Variants in COX10 observed in about 807,000 individuals in gnomAD.
COX10 encodes protoheme IX farnesyltransferase, mitochondrial.
Under a neutral mutation model 37.3 loss-of-function variants are expected in COX10, and 27 were observed. The ratio of observed to expected loss-of-function variants is 0.72; its 90% CI spans 0.53 to 1.00. The LOEUF (loss-of-function observed/expected upper bound fraction) is 1.00, where lower values mean the gene tolerates loss of function less well. Among genes scored for constraint, COX10 ranks in the 50% least tolerant of loss-of-function variants. The probability of loss-of-function intolerance (pLI) is 0.00; values close to 1 mark genes in which losing one functional copy is unlikely to be tolerated. For missense variants in COX10, 475 were observed against 563.2 expected, an observed-to-expected ratio of 0.84 and a Z score of 1.59; for synonymous variants, 222 against 229.1, an observed-to-expected ratio of 0.97 and a Z score of 0.28.
Position 14,185,387 on chromosome 17 carries a change from T to C in COX10, c.696-6602T>C, listed in dbSNP as rs1905994640. 2.0e-5 allele frequency among the ~76,000 whole-genome samples: 3 copies of C among 148,100 alleles called. No individual in the cohort carries two copies. The South Asian group carries it at 6.7e-4, about 33-fold the overall frequency. ...GAAATCAGTCTTTGACATAATAGTG[T>C]TTGAGATCTCTGAGATTTAGCTCTG... On this transcript the variant is annotated intron_variant, in intron 5 of 6. Transcript: ENST00000261643.
At chr17:14,155,588 G>A (rs2142236337) in intron 4 of COX10, among the ~76,000 whole-genome samples, 2 of 152,112 alleles carry the variant, frequency 1.3e-5, no homozygotes, top group Admixed American at 1.3e-4. Flanking sequence ...GGTGGTGGGT[G>A]TCTGTAGTCC....
At chr17:14,096,087 C>T (rs113706535) in intron 3 of COX10, among the ~76,000 whole-genome samples, 10 of 152,266 alleles carry the variant, frequency 6.6e-5, no homozygotes, top group Non-Finnish European at 1.2e-4. Flanking sequence ...CAAGGCATGG[C>T]ATGGTGAGAA....
chr17:14,204,087 G>A (rs1017607184), intron 6 of COX10, among the ~76,000 whole-genome samples: 11 of 152,048 alleles, frequency 7.2e-5, no homozygotes, highest in African/African-American at 2.4e-4. Context: ...GATGAGTTTG[G>A]GCGCACTTTA....
At chr17:14,105,545 G>A (rs112985491) in intron 4 of COX10, among the ~76,000 whole-genome samples, 35 of 152,278 alleles carry the variant, frequency 2.3e-4, no homozygotes, top group African/African-American at 8.2e-4. Flanking sequence ...AATCCTTAAA[G>A]TAGGTGGTAT....
At chr17:14,082,892 C>T (rs1352434027) in intron 3 of COX10, among the ~76,000 whole-genome samples, 2 of 152,180 alleles carry the variant, frequency 1.3e-5, no homozygotes, top group Non-Finnish European at 1.5e-5. Context: ...GATTCTGATG[C>T]AGGTGGTCCT....
chr17:14,077,126 T>A, intron 3 of COX10, 70 bp downstream of exon 3: 9 of 1,465,940 alleles, frequency 6.1e-6, no homozygotes, highest in Non-Finnish European at 8.5e-6. Context: ...GCTAATTTTA[T>A]TTACCACCTG....
intron 4 of COX10, among the ~76,000 whole-genome samples, chr17:14,125,696 A>C (rs1916328652): frequency 6.6e-6 from 1 of 152,166 alleles, no homozygotes; most frequent in South Asian, 2.1e-4. Flanking sequence ...GATGGCATCC[A>C]ATTCACTTTC....
At chr17:14,172,790 C>T (rs763496317) in intron 5 of COX10, among the ~76,000 whole-genome samples, 5 of 151,800 alleles carry the variant, frequency 3.3e-5, no homozygotes, top group African/African-American at 7.3e-5. Flanking sequence ...TGGGCTCAAG[C>T]GTTTCTCCTG....
At chr17:14,072,018 T>C (rs1915036401) in intron 1 of COX10, among the ~76,000 whole-genome samples, 1 of 152,238 alleles carries the variant, frequency 6.6e-6, no homozygotes, top group Admixed American at 6.5e-5. Flanking sequence ...TATGGTCTTA[T>C]GCTTCCAGAA....
chr17:14,144,156 CTG>C (rs1488456286), intron 4 of COX10, among the ~76,000 whole-genome samples: 1 of 152,122 alleles, frequency 6.6e-6, no homozygotes, highest in Non-Finnish European at 1.5e-5. Context: ...TATATTATAA[CTG>C]TGTTTGGACC....
At chr17:14,125,481 A>C (rs1446418194) in intron 4 of COX10, among the ~76,000 whole-genome samples, 3 of 152,212 alleles carry the variant, frequency 2.0e-5, no homozygotes, top group African/African-American at 7.2e-5. Flanking sequence ...ACATTGTAAA[A>C]ATTTAAAACA....
intron 4 of COX10, among the ~76,000 whole-genome samples, chr17:14,138,814 G>A (rs1904456074): frequency 6.6e-6 from 1 of 152,128 alleles, no homozygotes; most frequent in African/African-American, 2.4e-5. Context: ...TACACTGCCT[G>A]ATTGTCTCCT....
intron 3 of COX10, among the ~76,000 whole-genome samples, chr17:14,091,807 A>T (rs142890059): frequency 6.6e-6 from 1 of 152,200 alleles, no homozygotes; most frequent in Non-Finnish European, 1.5e-5. Context: ...TTTATCTTGT[A>T]CAATATCTGC....
intron 4 of COX10, among the ~76,000 whole-genome samples, chr17:14,154,814 T>A (rs1256380107): frequency 2.0e-5 from 3 of 152,202 alleles, no homozygotes; most frequent in Non-Finnish European, 4.4e-5. Context: ...ATTATTTTCT[T>A]CAACCCCAGG....
chr17:14,098,546 G>T (rs1053295812), intron 3 of COX10, among the ~76,000 whole-genome samples: 3 of 152,098 alleles, frequency 2.0e-5, no homozygotes, highest in Non-Finnish European at 4.4e-5. Context: ...GAACGAAAAA[G>T]CTTCCTCAAA....
At chr17:14,202,728 G>GC (rs1906582062) in intron 6 of COX10, among the ~76,000 whole-genome samples, 1 of 123,544 alleles carries the variant, frequency 8.1e-6, no homozygotes, top group Non-Finnish European at 1.7e-5. Flanking sequence ...ACCCCCCTCT[G>GC]CCACCCCCTC....
rs1332062450 is a variant in COX10, at chr17:14,192,235, G to A, written c.928+14G>A. ...GCCTCGATGCTGGTAAGTGTCCCGC[G>A]ATGTGGAGTCTCATATGAGCACACT... On this transcript the variant is annotated intron_variant, in intron 6 of 6. Coordinates refer to ENST00000261643, the MANE Select transcript of COX10 (RefSeq NM_001303.4). The A allele has an allele frequency of 1.2e-6, 2 of 1,614,174 alleles. No homozygotes were observed. Among genetic ancestry groups the A allele is most frequent in the Middle Eastern group, 3.3e-4 (2 of 6,058 alleles).
intron 3 of COX10, among the ~76,000 whole-genome samples, chr17:14,095,755 T>C (rs1026445619): frequency 2.0e-5 from 3 of 152,168 alleles, no homozygotes; most frequent in Admixed American, 6.5e-5. Context: ...AATTCATTTC[T>C]TTGCAACTCT....
At chr17:14,134,980 A>G (rs2142221784) in intron 4 of COX10, among the ~76,000 whole-genome samples, 1 of 151,870 alleles carries the variant, frequency 6.6e-6, no homozygotes, top group East Asian at 1.9e-4. Context: ...TAAATGGCCA[A>G]AGCATAGCAC....
Sources: allele counts gnomAD v4.1 joint callset (sites outside exome capture counted in the v4.1 genomes callset), GRCh38; gene constraint gnomAD v4.1.1; transcripts MANE v1.5; gene names NCBI Gene and HGNC (gene_info 2026-07-23, HGNC 2026-07-21).